The following RGS6 variants were observed in gnomAD, a reference collection of about 807,000 sequenced individuals.
RGS6 encodes regulator of G-protein signaling 6.
In RGS6, 30 loss-of-function variants were observed where a neutral mutation model predicts 78.5. That is an observed-to-expected ratio of 0.38 (90% CI 0.29 to 0.52). RGS6 has a LOEUF of 0.52. Among genes scored for constraint, RGS6 ranks in the 20% least tolerant of loss-of-function variants. RGS6 has a pLI of 0.85. For synonymous variants in RGS6, 206 were observed against 206.0 expected, an observed-to-expected ratio of 1.00 and a Z score of 0.00; for missense variants, 495 against 609.7, an observed-to-expected ratio of 0.81 and a Z score of 1.98.
At chr14:71,983,626 G>A (rs2094556882) in intron 2 of RGS6, among the ~76,000 whole-genome samples, 1 of 152,126 alleles carries the variant, frequency 6.6e-6, no homozygotes, top group Non-Finnish European at 1.5e-5. Flanking sequence ...GCATCACCCT[G>A]GTCTTCGCCT....
At chr14:72,182,354 C>T (rs924014963) in intron 2 of RGS6, among the ~76,000 whole-genome samples, 5 of 146,712 alleles carry the variant, frequency 3.4e-5, no homozygotes, top group African/African-American at 1.0e-4. Flanking sequence ...GCAGGAGAAT[C>T]GCTTGAACCC....
chr14:72,181,635 C>T (rs1343552259), intron 2 of RGS6, among the ~76,000 whole-genome samples: 1 of 152,160 alleles, frequency 6.6e-6, no homozygotes, highest in Non-Finnish European at 1.5e-5. Flanking sequence ...GGAGTAAAAC[C>T]TCTTCAACCA....
At chr14:72,261,925 A>T (rs1227855774) in intron 2 of RGS6, among the ~76,000 whole-genome samples, 1 of 152,196 alleles carries the variant, frequency 6.6e-6, no homozygotes, top group Non-Finnish European at 1.5e-5. Flanking sequence ...TAATATTTAA[A>T]AATTATGTTT....
At chr14:72,247,941 T>G (rs752891374) in intron 2 of RGS6, among the ~76,000 whole-genome samples, 1 of 152,226 alleles carries the variant, frequency 6.6e-6, no homozygotes, top group Admixed American at 6.5e-5. Context: ...TTATCCAGTC[T>G]GTGTTATTCT....
At chr14:72,399,471 C>G (rs1358820402) in intron 3 of RGS6, among the ~76,000 whole-genome samples, 1 of 152,080 alleles carries the variant, frequency 6.6e-6, no homozygotes, top group East Asian at 1.9e-4. Flanking sequence ...ACTGCTGGGT[C>G]TTGACTCTAT....
At chr14:72,088,299 C>G (rs2095132011) in intron 2 of RGS6, among the ~76,000 whole-genome samples, 1 of 152,168 alleles carries the variant, frequency 6.6e-6, no homozygotes, top group Admixed American at 6.5e-5. Context: ...ATCTGTGATG[C>G]ACTCCTCCTT....
intron 3 of RGS6, among the ~76,000 whole-genome samples, chr14:72,411,515 G>A (rs950816926): frequency 1.3e-5 from 2 of 152,266 alleles, no homozygotes. Context: ...TCTGCAAACA[G>A]GGACAATTTG....
intron 7 of RGS6, 61 bp downstream of exon 7, chr14:72,465,883 CGTCT>C: frequency 1.5e-6 from 2 of 1,342,410 alleles, no homozygotes; most frequent in Middle Eastern, 3.7e-4. Flanking sequence ...TCTGCAGCTC[CGTCT>C]AAGTTTATTT....
At chr14:72,540,731 C>A in intron 17 of RGS6, 1 of 1,310,234 alleles carries the variant, frequency 7.6e-7, no homozygotes, top group Non-Finnish European at 1.0e-6. Context: ...GTAGCTGAAT[C>A]CCTGCGGTGT....
chr14:72,312,997 G>T (rs1205529913), intron 2 of RGS6, among the ~76,000 whole-genome samples: 1 of 152,146 alleles, frequency 6.6e-6, no homozygotes, highest in Non-Finnish European at 1.5e-5. Context: ...GAGATTCTCT[G>T]GCATTAACAC....
At chr14:72,427,391 G>A (rs563627741) in intron 3 of RGS6, among the ~76,000 whole-genome samples, 1 of 152,280 alleles carries the variant, frequency 6.6e-6, no homozygotes, top group African/African-American at 2.4e-5. Context: ...TATCCACTGG[G>A]AGTCTTGGAA....
intron 2 of RGS6, among the ~76,000 whole-genome samples, chr14:72,053,648 A>G (rs1429559013): frequency 1.3e-5 from 2 of 152,158 alleles, no homozygotes; most frequent in Admixed American, 1.3e-4. Flanking sequence ...AGGCAAACCT[A>G]TTTTTCTGTT....
intron 2 of RGS6, among the ~76,000 whole-genome samples, chr14:72,028,305 A>G (rs922507060): frequency 6.6e-6 from 1 of 152,188 alleles, no homozygotes; most frequent in African/African-American, 2.4e-5. Flanking sequence ...CTCTCCTTAG[A>G]TTGGCAGCTG....
chr14:72,229,925 C>T (rs2049123396), intron 2 of RGS6, among the ~76,000 whole-genome samples: 1 of 152,172 alleles, frequency 6.6e-6, no homozygotes, highest in Admixed American at 6.5e-5. Context: ...CACTGCAAAA[C>T]CCTACTGGAG....
intron 14 of RGS6, among the ~76,000 whole-genome samples, chr14:72,513,265 G>A (rs78706371): frequency 9.1e-4 from 139 of 152,260 alleles, no homozygotes; most frequent in African/African-American, 3.1e-3. Flanking sequence ...TTCAGAATGC[G>A]GAATGGAGGA....
At chr14:72,431,067 G>A (rs1029132471) in intron 3 of RGS6, among the ~76,000 whole-genome samples, 6 of 152,166 alleles carry the variant, frequency 3.9e-5, no homozygotes, top group Non-Finnish European at 5.9e-5. Context: ...CACACATGCA[G>A]CAAACATTTA....
At chr14:72,548,862 CCAA>C (rs1217836369) in intron 17 of RGS6, among the ~76,000 whole-genome samples, 1 of 152,168 alleles carries the variant, frequency 6.6e-6, no homozygotes, top group Non-Finnish European at 1.5e-5. Context: ...ACAGAATATT[CCAA>C]CAATAGACTA....
chr14:72,470,154 G>T (rs970654911), intron 8 of RGS6, 71 bp downstream of exon 8: 16 of 1,171,102 alleles, frequency 1.4e-5, no homozygotes, highest in Non-Finnish European at 1.8e-5. Flanking sequence ...GTGAAGGTGG[G>T]ATTGTCAAAG....
At chr14:72,403,111 A>G (rs1566747703) in intron 3 of RGS6, among the ~76,000 whole-genome samples, 1 of 152,118 alleles carries the variant, frequency 6.6e-6, no homozygotes, top group Non-Finnish European at 1.5e-5. Context: ...GCATTTATCC[A>G]AAGGAAAGGA....
Sources: gnomAD v4.1 joint callset for allele counts (sites outside exome capture counted in the v4.1 genomes callset) on GRCh38, gnomAD v4.1.1 for gene constraint, MANE v1.5 for transcripts, NCBI Gene and HGNC (gene_info 2026-07-23, HGNC 2026-07-21) for gene names.